The following CTIF variants were observed in gnomAD, a reference collection of about 807,000 sequenced individuals.
CTIF encodes CBP80/20-dependent translation initiation factor.
Under a neutral mutation model 66.0 loss-of-function variants are expected in CTIF, and 21 were observed. The observed-to-expected ratio is 0.32, with a 90% confidence interval of 0.23 to 0.46. The LOEUF is 0.46. Among genes scored for constraint, CTIF ranks in the 20% least tolerant of loss-of-function variants. CTIF has a pLI of 1.00. For missense variants in CTIF, 739 were observed against 812.7 expected, an observed-to-expected ratio of 0.91 and a Z score of 1.10; for synonymous variants, 345 against 326.4, an observed-to-expected ratio of 1.06 and a Z score of -0.62.
At chr18:48,588,636 C>A (rs369008114) in intron 1 of CTIF, among the ~76,000 whole-genome samples, 46 of 152,342 alleles carry the variant, frequency 3.0e-4, no homozygotes, top group African/African-American at 9.9e-4. Context: ...CGGCTCGCTC[C>A]ACATCCGTCC....
chr18:48,791,025 C>T (rs1457383188), intron 9 of CTIF, among the ~76,000 whole-genome samples: 1 of 152,140 alleles, frequency 6.6e-6, no homozygotes, highest in Non-Finnish European at 1.5e-5. Context: ...GAACAGACCT[C>T]CTAGGAATGT....
At chr18:48,837,799 G>A (rs1391401589) in intron 10 of CTIF, among the ~76,000 whole-genome samples, 1 of 152,048 alleles carries the variant, frequency 6.6e-6, no homozygotes, top group Non-Finnish European at 1.5e-5. Context: ...CTACCCACTG[G>A]ATGCATCCCT....
At chr18:48,616,188 G>A (rs560029930) in intron 1 of CTIF, among the ~76,000 whole-genome samples, 2 of 152,364 alleles carry the variant, frequency 1.3e-5, no homozygotes, top group African/African-American at 4.8e-5. Flanking sequence ...GTGCCAGGGA[G>A]CCCTTGATAA....
rs192389114 is a variant in CTIF at position 48,546,365 on chromosome 18, G to A, written c.-29+7053G>A. ...TGCAGGGATGTACCCAGAGTTAGTC[G>A]TCTGGGGTGGGAGGTCAGTCAGGGA... is the stretch of plus-strand genomic sequence containing the variant. On this transcript the variant is annotated intron_variant, in intron 1 of 11. Coordinates refer to ENST00000256413, the MANE Select transcript of CTIF (RefSeq NM_014772.3). Among the ~76,000 whole-genome samples, 214 of 152,274 alleles carry A rather than the reference G, an allele frequency of 1.4e-3. 1 individual carries two copies. The highest frequency in any genetic ancestry group is 1.1e-3 in the Admixed American group (17 of 15,294).
chr18:48,850,899 G>A (rs2069185004), intron 10 of CTIF, among the ~76,000 whole-genome samples: 1 of 152,228 alleles, frequency 6.6e-6, no homozygotes, highest in South Asian at 2.1e-4. Flanking sequence ...GACATGGTCT[G>A]CAGCCACCAA....
intron 9 of CTIF, among the ~76,000 whole-genome samples, chr18:48,814,380 G>T (rs1439087831): frequency 6.6e-6 from 1 of 152,156 alleles, no homozygotes; most frequent in African/African-American, 2.4e-5. Flanking sequence ...CCGGGGTGGG[G>T]TCCCAACATC....
intron 7 of CTIF, among the ~76,000 whole-genome samples, chr18:48,717,871 A>G (rs1444924958): frequency 6.6e-6 from 1 of 151,912 alleles, no homozygotes; most frequent in Non-Finnish European, 1.5e-5. Flanking sequence ...TAGGGACTAT[A>G]GGCACCCGCC....
chr18:48,820,173 C>G (rs2068453123), intron 10 of CTIF, among the ~76,000 whole-genome samples: 1 of 152,174 alleles, frequency 6.6e-6, no homozygotes, highest in African/African-American at 2.4e-5. Flanking sequence ...CAGGAGAAAT[C>G]TTGGCTTCCC....
At chr18:48,617,849 C>A (rs1329808336) in intron 1 of CTIF, among the ~76,000 whole-genome samples, 1 of 103,078 alleles carries the variant, frequency 9.7e-6, no homozygotes, top group Non-Finnish European at 1.9e-5. Flanking sequence ...AGACCCACAG[C>A]TCCAAGGTTG....
At chr18:48,715,127 C>G (rs1375650423) in intron 7 of CTIF, among the ~76,000 whole-genome samples, 2 of 152,210 alleles carry the variant, frequency 1.3e-5, no homozygotes, top group African/African-American at 4.8e-5. Context: ...CCTACCCACA[C>G]TGTCAGAGGG....
chr18:48,773,611 C>T (rs778306035), intron 9 of CTIF, among the ~76,000 whole-genome samples: 18 of 152,232 alleles, frequency 1.2e-4, no homozygotes, highest in Admixed American at 6.5e-4. Flanking sequence ...ATCTTCGAAC[C>T]AGAGCCCCTG....
chr18:48,854,705 G>A lies in CTIF; in HGVS notation c.1528-2883G>A, dbSNP rs1199423109. Reference sequence around the variant, plus strand: ...GGAGGCCAAGGCAGGAGGATCACTTGAGGCCAGGAGTTCAAGATCAGCCTG... The same window carrying A: ...GGAGGCCAAGGCAGGAGGATCACTTAAGGCCAGGAGTTCAAGATCAGCCTG... On this transcript the variant is annotated intron_variant, in intron 10 of 11. Coordinates refer to ENST00000256413, the MANE Select transcript of CTIF (RefSeq NM_014772.3). 2.0e-5 allele frequency among the ~76,000 whole-genome samples: 3 copies of A among 152,248 alleles called. No homozygotes were observed. In the East Asian group the frequency reaches 5.8e-4, roughly 29 times the overall value.
chr18:48,594,709 C>T (rs1415208856), intron 1 of CTIF, among the ~76,000 whole-genome samples: 1 of 152,234 alleles, frequency 6.6e-6, no homozygotes, highest in Non-Finnish European at 1.5e-5. Flanking sequence ...CTGTCCCCCT[C>T]CTGTGCCCAT....
chr18:48,674,924 A>G (rs1435095247), intron 6 of CTIF, among the ~76,000 whole-genome samples: 1 of 152,168 alleles, frequency 6.6e-6, no homozygotes, highest in Non-Finnish European at 1.5e-5. Context: ...ACGCTGGGAT[A>G]GGAGCTAGCC....
intron 1 of CTIF, among the ~76,000 whole-genome samples, chr18:48,557,942 C>G (rs2089061227): frequency 6.6e-6 from 1 of 152,246 alleles, no homozygotes; most frequent in Non-Finnish European, 1.5e-5. Flanking sequence ...TCCTTAAAGG[C>G]CCTGTTTCCA....
At chr18:48,773,048 C>T (rs1326341096) in intron 9 of CTIF, among the ~76,000 whole-genome samples, 2 of 152,074 alleles carry the variant, frequency 1.3e-5, no homozygotes. Context: ...TAAGGGGGAC[C>T]GACTAAGAGG....
chr18:48,565,851 T>G (rs2143550260), intron 1 of CTIF: 1 of 152,326 alleles, frequency 6.6e-6, no homozygotes, highest in South Asian at 2.1e-4. Context: ...TCATGTGGGA[T>G]GGGAAGGTGG....
chr18:48,569,198 G>A (rs1345276562), intron 1 of CTIF, among the ~76,000 whole-genome samples: 1 of 152,162 alleles, frequency 6.6e-6, no homozygotes, highest in Non-Finnish European at 1.5e-5. Context: ...GAGGGTTAGG[G>A]CTTCAACTTA....
chr18:48,778,680 G>A (rs911578599), intron 9 of CTIF, among the ~76,000 whole-genome samples: 1 of 152,196 alleles, frequency 6.6e-6, no homozygotes, highest in African/African-American at 2.4e-5. Flanking sequence ...CAGAGGTGGT[G>A]GGGGTGTCCA....
Sources: allele counts gnomAD v4.1 joint callset (sites outside exome capture counted in the v4.1 genomes callset), GRCh38; gene constraint gnomAD v4.1.1; transcripts MANE v1.5; gene names NCBI Gene and HGNC (gene_info 2026-07-23, HGNC 2026-07-21).